The following CDON variants were observed in gnomAD, a reference collection of about 807,000 sequenced individuals.
CDON encodes cell adhesion associated, oncogene regulated.
Under a neutral mutation model 120.9 loss-of-function variants are expected in CDON, and 73 were observed. The ratio of observed to expected loss-of-function variants is 0.60; its 90% CI spans 0.50 to 0.73. The LOEUF is 0.73. Ranked by LOEUF, CDON falls within the 30% of genes least tolerant of loss-of-function variation. CDON has a pLI of 0.00. For missense variants in CDON, 1,470 were observed against 1,587.3 expected (o/e 0.93, Z 1.26); for synonymous variants, 566 against 573.5 (o/e 0.99, Z 0.19).
At chr11:126,058,429 T>C (rs1357773939) in intron 1 of CDON, among the ~76,000 whole-genome samples, 2 of 152,192 alleles carry the variant, frequency 1.3e-5, no homozygotes, top group African/African-American at 4.8e-5. Context: ...AATCTGGCCA[T>C]AGTAGTAGGA....
chr11:126,056,952 C>T (rs900177816), intron 1 of CDON, among the ~76,000 whole-genome samples: 2 of 152,206 alleles, frequency 1.3e-5, no homozygotes, highest in Admixed American at 1.3e-4. Flanking sequence ...GTGGTTACTT[C>T]TGTACAACGC....
intron 16 of CDON, 33 bp from the exon 17 acceptor site, chr11:125,981,362 A>G (rs1270095902): frequency 5.3e-6 from 7 of 1,321,352 alleles, no homozygotes; most frequent in African/African-American, 1.4e-5. Context: ...ACACACACGC[A>G]CACACACACA....
intron 15 of CDON, among the ~76,000 whole-genome samples, chr11:125,986,491 T>C (rs760365678): frequency 6.6e-6 from 1 of 152,054 alleles, no homozygotes; most frequent in Non-Finnish European, 1.5e-5. Flanking sequence ...CTTGGCTGGG[T>C]GCAGTGGCTC....
At chr11:126,005,353 A>C in intron 9 of CDON, 1 of 198,986 alleles carries the variant, frequency 5.0e-6, no homozygotes, top group Non-Finnish European at 1.0e-5. Context: ...TGAAATGCAA[A>C]CAATTGGCAT....
intron 18 of CDON, among the ~76,000 whole-genome samples, chr11:125,969,278 G>A (rs1048663027): frequency 2.1e-4 from 32 of 152,314 alleles, no homozygotes; most frequent in African/African-American, 6.5e-4. Context: ...GATTACAGGC[G>A]TGAGCCACCA....
intron 1 of CDON, among the ~76,000 whole-genome samples, chr11:126,042,652 C>T (rs1208421773): frequency 6.6e-6 from 1 of 152,198 alleles, no homozygotes; most frequent in South Asian, 2.1e-4. Context: ...ACGGGAGTCT[C>T]GCTCTGCTGT....
chr11:125,961,677 T>C, intron 19 of CDON, 47 bp downstream of exon 19: 1 of 1,613,346 alleles, frequency 6.2e-7, no homozygotes, highest in Non-Finnish European at 8.5e-7. Flanking sequence ...AGCTCTTAGC[T>C]AACTGAAGAT....
intron 7 of CDON, among the ~76,000 whole-genome samples, chr11:126,011,071 T>C (rs1947289519): frequency 6.6e-6 from 1 of 152,104 alleles, no homozygotes; most frequent in South Asian, 2.1e-4. Context: ...AAGTAGATAA[T>C]TTTCCTTCAA....
chr11:125,971,090 G>A (rs1945968607), intron 18 of CDON, among the ~76,000 whole-genome samples: 2 of 152,030 alleles, frequency 1.3e-5, no homozygotes, highest in Admixed American at 6.6e-5. Flanking sequence ...TGAAAGAACT[G>A]CTATGATAAT....
chr11:126,008,711 A>G (rs578240106), intron 8 of CDON, among the ~76,000 whole-genome samples: 10 of 152,302 alleles, frequency 6.6e-5, no homozygotes, highest in Middle Eastern at 3.4e-3. Context: ...GCAGTTAACA[A>G]TTTCGAGCAG....
chr11:126,019,261 A>G (rs183342973), intron 4 of CDON, among the ~76,000 whole-genome samples: 70 of 152,340 alleles, frequency 4.6e-4, no homozygotes, highest in African/African-American at 1.6e-3. Context: ...AGGAAAAGAC[A>G]AACAATAATA....
At chr11:126,000,704 G>A (rs1946918754) in intron 11 of CDON, among the ~76,000 whole-genome samples, 1 of 152,108 alleles carries the variant, frequency 6.6e-6, no homozygotes, top group Non-Finnish European at 1.5e-5. Context: ...TCAAAGATAA[G>A]AGCACTCAAG....
intron 8 of CDON, among the ~76,000 whole-genome samples, chr11:126,009,676 A>G (rs536585070): frequency 1.3e-5 from 2 of 151,680 alleles, no homozygotes; most frequent in East Asian, 2.0e-4. Context: ...CACAAGACAA[A>G]TAAGATGACA....
At chr11:126,056,734 G>C (rs1463987213) in intron 1 of CDON, among the ~76,000 whole-genome samples, 1 of 152,154 alleles carries the variant, frequency 6.6e-6, no homozygotes, top group African/African-American at 2.4e-5. Context: ...TGAATGTATA[G>C]GCATAGCCTG....
intron 1 of CDON, among the ~76,000 whole-genome samples, chr11:126,028,008 T>G (rs573799027): frequency 1.3e-5 from 2 of 152,034 alleles, no homozygotes; most frequent in East Asian, 3.9e-4. Flanking sequence ...TTACTTTTAT[T>G]TTGAATTTTT....
intron 1 of CDON, among the ~76,000 whole-genome samples, chr11:126,037,215 C>A (rs1403735175): frequency 6.6e-6 from 1 of 152,044 alleles, no homozygotes; most frequent in East Asian, 1.9e-4. Flanking sequence ...GATCCTCCCA[C>A]CTCAGCCTCC....
rs115309056 is a variant in CDON at position 126,034,720 on chromosome 11, C to T, written c.-61-11183G>A. ...CAAATGGTGAAATTCTAAAAAGCAG[C>T]GTGAGAGAGATTATTAAAAAGACAA... is the stretch of plus-strand genomic sequence containing the variant. On this transcript the variant is annotated intron_variant, in intron 1 of 19. Coordinates refer to ENST00000531738, the MANE Select transcript of CDON (RefSeq NM_001378964.1). This position sits in a 1 kb window ranked among gnomAD's most constrained non-coding sequence, Gnocchi z 4.5. Among the ~76,000 whole-genome samples the T allele has an allele frequency of 1.3e-5, 2 of 151,954 alleles. No individual in the cohort carries two copies. The highest frequency in any genetic ancestry group is 2.4e-5 in the African/African-American group (1 of 41,346).
chr11:126,052,818 G>C (rs533380411), intron 1 of CDON, among the ~76,000 whole-genome samples: 1 of 140,984 alleles, frequency 7.1e-6, no homozygotes, highest in African/African-American at 2.7e-5. Flanking sequence ...ACAAGACTCC[G>C]TCTCAAAAAA....
At chr11:125,970,779 A>G (rs1385024397) in intron 18 of CDON, among the ~76,000 whole-genome samples, 1 of 152,204 alleles carries the variant, frequency 6.6e-6, no homozygotes, top group African/African-American at 2.4e-5. Flanking sequence ...GCAAGTTGAC[A>G]GACACACACG....
Sources: allele counts gnomAD v4.1 joint callset (sites outside exome capture counted in the v4.1 genomes callset), GRCh38; gene constraint gnomAD v4.1.1; non-coding constraint Gnocchi (gnomAD v3.1); transcripts MANE v1.5; gene names NCBI Gene and HGNC (gene_info 2026-07-23, HGNC 2026-07-21).